The following PRRC2B variants were observed in gnomAD, a reference collection of about 807,000 sequenced individuals.
PRRC2B encodes protein PRRC2B.
In PRRC2B, 68 loss-of-function variants were observed where a neutral mutation model predicts 242.3. The observed-to-expected ratio is 0.28, with a 90% CI of 0.23 to 0.34. PRRC2B has a LOEUF of 0.34. Ranked by LOEUF, PRRC2B falls within the 10% of genes least tolerant of loss-of-function variation. The pLI is 1.00. For missense variants in PRRC2B, 2,835 were observed against 2,954.8 expected (o/e 0.96, Z 0.94); for synonymous variants, 1,228 against 1,173.6 (o/e 1.05, Z -0.95).
chr9:131,479,260 C>A lies in PRRC2B; in HGVS notation c.4767C>A (p.Val1589=). 1 of 1,613,734 alleles carries A rather than the reference C, an allele frequency of 6.2e-7. No individual in the cohort carries two copies. Among genetic ancestry groups the A allele is most frequent in the South Asian group, 1.1e-5 (1 of 90,988 alleles). ...TCCTTTCTTCCCCTCAGGTGCCTGT[C>A]AAAGGTCGAGGCCTTTCCTCCCGTA... ...RKKEQAVQVP[V]KGRGLSSRIP... is the part of the protein sequence containing the mutation. Residue 1589 remains valine, a synonymous_variant, in exon 19 of 32, where the codon GTC becomes GTA. Coordinates refer to ENST00000683519, the MANE Select transcript of PRRC2B (RefSeq NM_013318.4).
At chr9:131,375,215 A>C (rs1588231388) in intron 1 of PRRC2B, among the ~76,000 whole-genome samples, 1 of 152,118 alleles carries the variant, frequency 6.6e-6, no homozygotes, top group Admixed American at 6.5e-5. Flanking sequence ...AGCCTGACCA[A>C]CATAGTGAAA....
chr9:131,373,707 A>C (rs1188164451), exon 1 of PRRC2B: 1 of 152,278 alleles, frequency 6.6e-6, no homozygotes, highest in Non-Finnish European at 1.5e-5. Flanking sequence ...GTGGGTGCTG[A>C]AGGCGGAGGC....
intron 3 of PRRC2B, 86 bp from the exon 4 acceptor site, chr9:131,436,534 C>T: frequency 9.7e-7 from 1 of 1,029,502 alleles, no homozygotes; most frequent in East Asian, 2.5e-5. Context: ...CTGTGAGCAG[C>T]TGAACAGCTG....
chr9:131,479,382 G>A lies in PRRC2B; in HGVS notation c.4889G>A (p.Ser1630Asn). The A allele has an allele frequency of 1.2e-6, 2 of 1,613,528 alleles. No homozygotes were observed. The highest frequency in any genetic ancestry group is 1.7e-6 in the Non-Finnish European group (2 of 1,179,702). ...GSSLGTEIWESSSQALPVQAP... is the reference protein window; with the variant it reads ...GSSLGTEIWENSSQALPVQAP... The stretch of plus-strand genomic sequence containing the variant: ...AGCCTGGGCACTGAGATCTGGGAGA[G>A]CAGCAGCCAGGGTGAGAGTTGGGGG... Residue 1630 changes from serine to asparagine, a missense_variant, in exon 19 of 32, where the codon AGC becomes AAC. Coordinates refer to ENST00000683519, the MANE Select transcript of PRRC2B (RefSeq NM_013318.4).
At chr9:131,459,087 T>C (rs1943166442) in intron 10 of PRRC2B, 77 bp from the exon 11 acceptor site, 8 of 1,342,748 alleles carry the variant, frequency 6.0e-6, no homozygotes, top group African/African-American at 1.4e-5. Flanking sequence ...TTGGGAATTC[T>C]CAAGGCCTCT....
chr9:131,415,428 CCTGGGG>C (rs1020223248), intron 1 of PRRC2B, among the ~76,000 whole-genome samples: 1 of 152,208 alleles, frequency 6.6e-6, no homozygotes, highest in African/African-American at 2.4e-5. Context: ...CCCCCGCTCC[CCTGGGG>C]CTGGGGCTGG....
chr9:131,448,544 A>C (rs1452087685), intron 9 of PRRC2B, among the ~76,000 whole-genome samples: 1,323 of 84,566 alleles, frequency 0.016, 239 homozygotes, highest in African/African-American at 0.04. Flanking sequence ...ACACTGTCTC[A>C]AAAAAAAAAA....
chr9:131,491,337 C>A, intron 28 of PRRC2B, 88 bp from the exon 29 acceptor site: 1 of 1,290,902 alleles, frequency 7.7e-7, no homozygotes, highest in Non-Finnish European at 1.1e-6. Flanking sequence ...GTGTATGAAT[C>A]TGAAGTGCAT....
In PRRC2B at chr9:131,487,832, C is replaced by A. The variant is rs372600088; in HGVS notation, c.5985-24C>A. On this transcript the variant is annotated intron_variant, in intron 27 of 31. Transcript: ENST00000683519. This position sits in a 1 kb window ranked among gnomAD's most constrained non-coding sequence, Gnocchi z 5.3. ...GCAGCTGGACTCATCCACCTGATCC[C>A]GACCATCTGTCTGGCTTTTGCAGAT... 4.8e-5 allele frequency: 77 copies of A among 1,594,674 alleles called. No individual in the cohort carries two copies. The highest frequency in any genetic ancestry group is 6.1e-5 in the Non-Finnish European group (71 of 1,165,574).
intron 4 of PRRC2B, among the ~76,000 whole-genome samples, chr9:131,437,573 A>T (rs535178802): frequency 6.6e-6 from 1 of 152,220 alleles, no homozygotes; most frequent in Non-Finnish European, 1.5e-5. Flanking sequence ...GGGAATGAAC[A>T]TATTTTGGTT....
At chr9:131,426,038 T>C (rs183645614) in intron 1 of PRRC2B, among the ~76,000 whole-genome samples, 20 of 151,498 alleles carry the variant, frequency 1.3e-4, no homozygotes, top group African/African-American at 4.8e-4. Context: ...ACATTTGATT[T>C]AAGAAATCAT....
rs759350366 is a variant in PRRC2B, at chr9:131,430,550, G to GGTGT, written c.115+298_115+301dup. Among the ~76,000 whole-genome samples the GGTGT allele has an allele frequency of 4.2e-3, 349 of 82,644 alleles. 2 individuals are homozygous for GGTGT. The highest frequency in any genetic ancestry group is 0.012 in the African/African-American group (291 of 23,746). The allele number at this position is 82,644 out of a possible 152,430, so 54.2% of individuals were successfully genotyped here. On this transcript the variant is annotated intron_variant, in intron 2 of 31. Transcript: ENST00000683519. The stretch of plus-strand genomic sequence containing the variant: ...AGATATCTATCTATAGATATCTATA[G>GGTGT]GTGTGTGTGTATGTGTGTGTGTGTG...
intron 10 of PRRC2B, among the ~76,000 whole-genome samples, chr9:131,455,783 CT>C (rs1943056552): frequency 6.6e-6 from 1 of 152,024 alleles, no homozygotes. Flanking sequence ...CAACTTCTTT[CT>C]TTACTCCAGA....
At chr9:131,478,649 G>GGGGGGGGGGGGGCCGGGGGC in intron 18 of PRRC2B, 30 bp downstream of exon 18, 1 of 504,558 alleles carries the variant, frequency 2.0e-6, no homozygotes, top group East Asian at 5.1e-5. Context: ...GGGGCATGGG[G>GGGGGGGGGGGGGCCGGGGGC]CTGGAGGGCA....
intron 1 of PRRC2B, among the ~76,000 whole-genome samples, chr9:131,403,567 C>G (rs1209838061): frequency 2.6e-5 from 4 of 150,950 alleles, no homozygotes; most frequent in Admixed American, 2.0e-4. Flanking sequence ...GTTGCCCAGG[C>G]TGGTCGCAAA....
At chr9:131,473,792 C>A in intron 15 of PRRC2B, 68 bp downstream of exon 15, 1 of 1,245,742 alleles carries the variant, frequency 8.0e-7, no homozygotes, top group East Asian at 2.5e-5. Flanking sequence ...TGAGAGGGCC[C>A]TGGGATGAGC....
chr9:131,420,453 T>TTTTCTTTCTGTCTTTCTTTCTTTC (rs1837777679), intron 1 of PRRC2B, among the ~76,000 whole-genome samples: 1 of 60,988 alleles, frequency 1.6e-5, no homozygotes. Context: ...TTCTTTTTCT[T>TTTTCTTTCTGTCTTTCTTTCTTTC]TTTCTTTCTT....
intron 13 of PRRC2B, 124 bp from the exon 14 acceptor site, chr9:131,470,664 T>C: frequency 1.4e-6 from 1 of 714,722 alleles, no homozygotes; most frequent in Non-Finnish European, 2.3e-6. Context: ...CCTCCCCTCC[T>C]TGGTCTTCTG....
rs1240452959 is a variant in PRRC2B at position 131,483,357 on chromosome 9, A to T, written c.5374-2A>T. The T allele has an allele frequency of 6.2e-7, 1 of 1,613,708 alleles. No homozygotes were observed. Among genetic ancestry groups the T allele is most frequent in the East Asian group, 2.2e-5 (1 of 44,870 alleles). ...GCTGTGTGGCCTTTTTTATTTTTTC[A>T]GGACTCCGATTTCAGCTTGCCACCT... On this transcript the variant is annotated splice_acceptor_variant, in intron 22 of 31. Coordinates refer to ENST00000683519, the MANE Select transcript of PRRC2B (RefSeq NM_013318.4). LOFTEE classifies it high-confidence loss of function.
Sources: allele counts gnomAD v4.1 joint callset (sites outside exome capture counted in the v4.1 genomes callset), GRCh38; gene constraint gnomAD v4.1.1; non-coding constraint Gnocchi (gnomAD v3.1); transcripts MANE v1.5; gene names NCBI Gene and HGNC (gene_info 2026-07-23, HGNC 2026-07-21).